Variants in CDH13 observed in about 807,000 individuals in gnomAD.
CDH13 encodes cadherin-13.
In CDH13, 24 loss-of-function variants were observed where a neutral mutation model predicts 63.8. The ratio of observed to expected loss-of-function variants is 0.38; its 90% CI spans 0.27 to 0.53. The LOEUF is 0.53. CDH13 is among the 20% of genes least tolerant of loss of function. CDH13 has a pLI of 0.85. For missense variants in CDH13, 1,049 were observed against 903.1 expected, an observed-to-expected ratio of 1.16 and a Z score of -2.07; for synonymous variants, 503 against 355.3, an observed-to-expected ratio of 1.42 and a Z score of -4.67.
Position 82,931,190 on chromosome 16 carries a change from G to A in CDH13, c.157+72717G>A, listed in dbSNP as rs564866822. 1.4e-3 allele frequency among the ~76,000 whole-genome samples: 207 copies of A among 152,208 alleles called. 2 individuals carry two copies. The highest frequency in any genetic ancestry group is 4.6e-3 in the African/African-American group (190 of 41,532). On this transcript the variant is annotated intron_variant, in intron 2 of 13. Transcript: ENST00000567109. ...ATTTATACTTTGATTTCCCTCTCTC[G>A]TGTCAAAAAGCATATCTAGCCTTAT...
chr16:83,227,712 G>C (rs1313030484), intron 5 of CDH13, among the ~76,000 whole-genome samples: 1 of 152,156 alleles, frequency 6.6e-6, no homozygotes, highest in Non-Finnish European at 1.5e-5. Context: ...TTCTCTTCCA[G>C]TCTAGAGAAG....
At chr16:83,731,359 G>C (rs190505008) in intron 10 of CDH13, among the ~76,000 whole-genome samples, 1 of 152,234 alleles carries the variant, frequency 6.6e-6, no homozygotes, top group East Asian at 1.9e-4. Flanking sequence ...TAGCTATTCT[G>C]ACTGGTGTGA....
chr16:82,689,595 G>C (rs1246723438), intron 1 of CDH13, among the ~76,000 whole-genome samples: 1 of 152,096 alleles, frequency 6.6e-6, no homozygotes, highest in Non-Finnish European at 1.5e-5. Context: ...ATTGTTTTCT[G>C]GGATGTTGCT....
chr16:82,975,306 G>A (rs370499530), intron 2 of CDH13, among the ~76,000 whole-genome samples: 15 of 152,268 alleles, frequency 9.9e-5, no homozygotes, highest in South Asian at 4.1e-4. Flanking sequence ...AAACCCGTGC[G>A]CCTTGTGAGG....
intron 1 of CDH13, among the ~76,000 whole-genome samples, chr16:82,649,852 C>T (rs1022822909): frequency 1.3e-5 from 2 of 152,198 alleles, no homozygotes; most frequent in Admixed American, 1.3e-4. Context: ...CTTCCGACCC[C>T]TCATCTGTTG....
chr16:83,543,436 T>C (rs1273408414), intron 7 of CDH13, among the ~76,000 whole-genome samples: 1 of 152,202 alleles, frequency 6.6e-6, no homozygotes, highest in Non-Finnish European at 1.5e-5. Context: ...TAATAGGCAT[T>C]TGAGGCGCTG....
chr16:83,621,826 G>A (rs1181733837), intron 8 of CDH13, among the ~76,000 whole-genome samples: 3 of 151,970 alleles, frequency 2.0e-5, no homozygotes, highest in Admixed American at 2.0e-4. Flanking sequence ...ACAATGTTTT[G>A]TGCAAGGCCT....
At chr16:83,273,468 C>A (rs2088888978) in intron 5 of CDH13, among the ~76,000 whole-genome samples, 1 of 152,028 alleles carries the variant, frequency 6.6e-6, no homozygotes, top group Admixed American at 6.5e-5. Context: ...TTTTTTCTTC[C>A]TGCAAGTTCC....
intron 1 of CDH13, among the ~76,000 whole-genome samples, chr16:82,784,502 C>T (rs1418759328): frequency 6.6e-6 from 1 of 152,158 alleles, no homozygotes. Flanking sequence ...TTATTGAGGG[C>T]CTGCTATGTG....
At chr16:83,703,640 TTC>T (rs1368709343) in intron 10 of CDH13, among the ~76,000 whole-genome samples, 1 of 152,238 alleles carries the variant, frequency 6.6e-6, no homozygotes, top group African/African-American at 2.4e-5. Flanking sequence ...TTTTCATGTT[TTC>T]TTCACACTGT....
intron 5 of CDH13, among the ~76,000 whole-genome samples, chr16:83,338,387 C>G (rs1265684258): frequency 3.3e-5 from 5 of 152,136 alleles, no homozygotes; most frequent in African/African-American, 9.7e-5. Context: ...ATTCCAGTCT[C>G]TTAAAGAGGC....
intron 7 of CDH13, among the ~76,000 whole-genome samples, chr16:83,530,914 G>T (rs1191209312): frequency 6.6e-6 from 1 of 152,220 alleles, no homozygotes; most frequent in Non-Finnish European, 1.5e-5. Context: ...ACACAGACTG[G>T]ATTCAAATAT....
chr16:83,402,072 G>A (rs563900325), intron 6 of CDH13, among the ~76,000 whole-genome samples: 1 of 152,238 alleles, frequency 6.6e-6, no homozygotes, highest in Non-Finnish European at 1.5e-5. Flanking sequence ...TCCTTGTAGA[G>A]TACATAGGTG....
At chr16:82,646,094 ACT>A (rs1245357687) in intron 1 of CDH13, 1 of 152,238 alleles carries the variant, frequency 6.6e-6, no homozygotes, top group Non-Finnish European at 1.5e-5. Context: ...CTCCTAAACA[ACT>A]TCAGGTTGTC....
intron 6 of CDH13, among the ~76,000 whole-genome samples, chr16:83,367,793 G>A (rs1023929707): frequency 2.6e-5 from 4 of 152,016 alleles, no homozygotes; most frequent in Non-Finnish European, 5.9e-5. Flanking sequence ...TGAAATCAAC[G>A]TTTCAATTTC....
chr16:83,678,302 C>T lies in CDH13; in HGVS notation c.1379C>T (p.Ser460Phe). Reference sequence around the variant, plus strand: ...CCCGACGTCTCCTACGGCCCCAGCTCCACAGCCACCGTCCACATCACTGTC... The same window carrying T: ...CCCGACGTCTCCTACGGCCCCAGCTTCACAGCCACCGTCCACATCACTGTC... ...LVPDVSYGPS[S>F]TATVHITVLD... Residue 460 changes from serine (S) to phenylalanine (F), a missense_variant, in exon 10 of 14, where the codon TCC becomes TTC. Transcript: ENST00000567109. 6.2e-7 allele frequency: 1 copy of T among 1,614,006 alleles called. No homozygotes were observed. Among genetic ancestry groups the T allele is most frequent in the Non-Finnish European group, 8.5e-7 (1 of 1,179,898 alleles).
Position 83,032,177 on chromosome 16 carries a change from C to T in CDH13, c.325C>T (p.Leu109Phe). 6.2e-7 allele frequency: 1 copy of T among 1,613,704 alleles called. No homozygotes were observed. Among genetic ancestry groups the T allele is most frequent in the South Asian group, 1.1e-5 (1 of 91,066 alleles). The change falls in exon 3 of 14, where the codon CTC becomes TTC. Residue 109 changes from leucine to phenylalanine, a missense_variant. Leu to Phe is a conservative substitution (Grantham distance 22, BLOSUM62 0). Transcript: ENST00000567109. ...RTPHAEDMAE[L>F]VIVGGKDIQG... Reference sequence around the variant, plus strand: ...CCCCCATGCGGAAGATATGGCAGAACTCGTGATTGTCGGGGGGAAAGACAT... The same window carrying T: ...CCCCCATGCGGAAGATATGGCAGAATTCGTGATTGTCGGGGGGAAAGACAT...
At chr16:82,824,340 T>C (rs2038142243) in intron 1 of CDH13, 1 of 152,170 alleles carries the variant, frequency 6.6e-6, no homozygotes, top group South Asian at 2.1e-4. Flanking sequence ...TATCCTGCCT[T>C]TGTTTTCAGA....
intron 6 of CDH13, among the ~76,000 whole-genome samples, chr16:83,378,497 A>C (rs1178543385): frequency 1.3e-5 from 2 of 152,128 alleles, no homozygotes; most frequent in Non-Finnish European, 2.9e-5. Flanking sequence ...ATCTCCAATA[A>C]AGGGGTCCCC....
Sources: gnomAD v4.1 joint callset for allele counts (sites outside exome capture counted in the v4.1 genomes callset) on GRCh38, gnomAD v4.1.1 for gene constraint, MANE v1.5 for transcripts, NCBI Gene and HGNC (gene_info 2026-07-23, HGNC 2026-07-21) for gene names.